Variants in GLIS1 observed in about 807,000 individuals in gnomAD.
GLIS1 encodes the protein zinc finger protein GLIS1.
GLIS1 carries 24 observed loss-of-function variants against 63.8 expected under a neutral mutation model. That is an observed-to-expected ratio of 0.38 (90% CI 0.27 to 0.53). The LOEUF (loss-of-function observed/expected upper bound fraction) is 0.53. GLIS1 is among the 20% of genes least tolerant of loss of function. The probability of loss-of-function intolerance (pLI) is 0.85; values close to 1 mark genes in which losing one functional copy is unlikely to be tolerated. For synonymous variants in GLIS1, 450 were observed against 482.5 expected (o/e 0.93, Z 0.88); for missense variants, 1,036 against 1,074.1 (o/e 0.96, Z 0.50).
intron 4 of GLIS1, among the ~76,000 whole-genome samples, chr1:53,546,718 G>C (rs138011611): frequency 6.6e-6 from 1 of 152,148 alleles, no homozygotes; most frequent in African/African-American, 2.4e-5. Flanking sequence ...TCTCTTCTGC[G>C]GCCATCATTC....
At chr1:53,700,270 A>T (rs2100490567) in intron 2 of GLIS1, among the ~76,000 whole-genome samples, 1 of 152,064 alleles carries the variant, frequency 6.6e-6, no homozygotes, top group East Asian at 1.9e-4. Context: ...CCTCCCCCTC[A>T]TCACAGCCCT....
At chr1:53,734,718 A>G (rs531502443) in intron 2 of GLIS1, among the ~76,000 whole-genome samples, 1 of 152,350 alleles carries the variant, frequency 6.6e-6, no homozygotes, top group African/African-American at 2.4e-5. Context: ...CGCTCTGAAC[A>G]CTGTAAAGCA....
At chr1:53,508,014 C>G (rs1436151136) in intron 10 of GLIS1, among the ~76,000 whole-genome samples, 1 of 152,238 alleles carries the variant, frequency 6.6e-6, no homozygotes, top group Non-Finnish European at 1.5e-5. Context: ...ACACGTTTAC[C>G]CACGGGCCTG....
rs886958531 is a variant in GLIS1 at position 53,639,946 on chromosome 1, C to G, written c.260-39668G>C. 6.6e-5 allele frequency among the ~76,000 whole-genome samples: 10 copies of G among 152,208 alleles called. No homozygotes were observed. The highest frequency in any genetic ancestry group is 2.4e-4 in the African/African-American group (10 of 41,452). On this transcript the variant is annotated intron_variant, in intron 2 of 10. Transcript: ENST00000628545. This position sits in a 1 kb window ranked among gnomAD's most constrained non-coding sequence, Gnocchi z 4.6. ...CGTCACTGAGCCTCAGTTTATACTT[C>G]CACAGAAACAGGGATACTACACTTA...
At chr1:53,601,377 G>C (rs927817970) in intron 2 of GLIS1, among the ~76,000 whole-genome samples, 2 of 152,192 alleles carry the variant, frequency 1.3e-5, no homozygotes, top group East Asian at 3.9e-4. Flanking sequence ...CAATTACAAA[G>C]TGCCTTGCAG....
chr1:53,738,327 C>T (rs1646933196), intron 1 of GLIS1, among the ~76,000 whole-genome samples: 1 of 152,154 alleles, frequency 6.6e-6, no homozygotes, highest in Non-Finnish European at 1.5e-5. Flanking sequence ...GTGGGGAGGA[C>T]CCCAGGCCCC....
chr1:53,694,641 G>A (rs1169718206), intron 2 of GLIS1, among the ~76,000 whole-genome samples: 2 of 152,194 alleles, frequency 1.3e-5, no homozygotes, highest in Admixed American at 1.3e-4. Context: ...AGGCTGTGTG[G>A]CCTTGGGCAG....
chr1:53,719,001 G>A (rs776542334), intron 2 of GLIS1, among the ~76,000 whole-genome samples: 10 of 152,152 alleles, frequency 6.6e-5, no homozygotes, highest in African/African-American at 2.4e-4. Context: ...TGGGGTCCTA[G>A]GGAGCTCCTC....
chr1:53,680,101 T>A (rs1011660431), intron 2 of GLIS1, among the ~76,000 whole-genome samples: 1 of 151,728 alleles, frequency 6.6e-6, no homozygotes, highest in Non-Finnish European at 1.5e-5. Context: ...GTCTGCTGAA[T>A]GAAGGAGGGA....
chr1:53,516,839 C>T (rs1056238792), intron 7 of GLIS1, among the ~76,000 whole-genome samples: 1 of 151,924 alleles, frequency 6.6e-6, no homozygotes, highest in East Asian at 1.9e-4. Flanking sequence ...AAAGCACCAC[C>T]ACCACCACCA....
intron 7 of GLIS1, among the ~76,000 whole-genome samples, chr1:53,516,766 T>C (rs547545582): frequency 6.6e-4 from 99 of 151,116 alleles, no homozygotes; most frequent in Middle Eastern, 6.9e-3. Flanking sequence ...TGAGCCGAGA[T>C]GGTGCCACCA....
intron 2 of GLIS1, among the ~76,000 whole-genome samples, chr1:53,618,255 G>A (rs1245246418): frequency 6.6e-6 from 1 of 152,228 alleles, no homozygotes; most frequent in Non-Finnish European, 1.5e-5. Context: ...CTGCCAGCTT[G>A]CAGAACAAAT....
chr1:53,626,841 G>GC (rs1479377601), intron 2 of GLIS1, among the ~76,000 whole-genome samples: 1 of 152,232 alleles, frequency 6.6e-6, no homozygotes, highest in Non-Finnish European at 1.5e-5. Flanking sequence ...TGGCTGACAT[G>GC]CCCCTGCATC....
At position 53,520,740 on chromosome 1, in the gene GLIS1, G is replaced by A. The variant is rs1035821161; in HGVS notation, c.1620C>T (p.Ala540=). ...GGACCAGACACTCGGTCAGGACGTC[G>A]GCCTCGGTGTCAGGGCCCGCATGCA... ...KKLHAGPDTE[A]DVLTECLVLQ... Residue 540 remains alanine (A), a synonymous_variant, in exon 7 of 11, where the codon GCC becomes GCT. Transcript: ENST00000628545. 15 of 1,607,500 alleles carry A rather than the reference G, an allele frequency of 9.3e-6. No homozygotes were observed. The highest frequency in any genetic ancestry group is 4.0e-5 in the African/African-American group (3 of 74,968).
chr1:53,589,817 CT>C (rs964169085), intron 4 of GLIS1, among the ~76,000 whole-genome samples: 1 of 152,204 alleles, frequency 6.6e-6, no homozygotes, highest in African/African-American at 2.4e-5. Context: ...TCCATGCCCC[CT>C]GAGCAGACAC....
At chr1:53,609,430 C>G (rs978688156) in intron 2 of GLIS1, among the ~76,000 whole-genome samples, 1 of 151,856 alleles carries the variant, frequency 6.6e-6, no homozygotes, top group Non-Finnish European at 1.5e-5. Context: ...GCCACCACAC[C>G]TGGCTAATTT....
intron 4 of GLIS1, among the ~76,000 whole-genome samples, chr1:53,537,072 C>T (rs765810580): frequency 8.5e-5 from 13 of 152,248 alleles, no homozygotes; most frequent in Admixed American, 2.0e-4. Flanking sequence ...ATTACTGCTG[C>T]GTGCCGCTCA....
chr1:53,584,827 G>A (rs1386114354), intron 4 of GLIS1, among the ~76,000 whole-genome samples: 1 of 152,168 alleles, frequency 6.6e-6, no homozygotes, highest in African/African-American at 2.4e-5. Flanking sequence ...AGCCATCCAA[G>A]TGAGCACACA....
intron 2 of GLIS1, among the ~76,000 whole-genome samples, chr1:53,692,644 G>T (rs756336945): frequency 1.5e-4 from 23 of 152,218 alleles, no homozygotes; most frequent in Non-Finnish European, 2.6e-4. Flanking sequence ...GAGGGATACT[G>T]AGGGTGTGGG....
Sources: gnomAD v4.1 joint callset for allele counts (sites outside exome capture counted in the v4.1 genomes callset) on GRCh38, gnomAD v4.1.1 for gene constraint, Gnocchi (gnomAD v3.1) non-coding constraint, MANE v1.5 for transcripts, NCBI Gene and HGNC (gene_info 2026-07-23, HGNC 2026-07-21) for gene names.